TMCC1: variants seen among roughly 807,000 people sequenced by gnomAD.
TMCC1 encodes the protein transmembrane and coiled-coil domains protein 1.
TMCC1 carries 15 observed loss-of-function variants against 52.4 expected under a neutral mutation model. That is an observed-to-expected ratio of 0.29 (90% confidence interval 0.19 to 0.44). TMCC1 has a LOEUF of 0.44. TMCC1 is among the 20% of genes least tolerant of loss of function. The pLI is 1.00. For missense variants in TMCC1, 503 were observed against 806.0 expected, an observed-to-expected ratio of 0.62 and a Z score of 4.55; for synonymous variants, 279 against 301.9, an observed-to-expected ratio of 0.92 and a Z score of 0.79.
At chr3:129,825,757 G>A (rs992036124) in intron 4 of TMCC1, among the ~76,000 whole-genome samples, 4 of 152,110 alleles carry the variant, frequency 2.6e-5, no homozygotes, top group South Asian at 2.1e-4. Flanking sequence ...GCAGATCAGC[G>A]GCTACCAGAG....
intron 4 of TMCC1, among the ~76,000 whole-genome samples, chr3:129,747,308 A>C (rs937427747): frequency 6.6e-6 from 1 of 152,314 alleles, no homozygotes; most frequent in South Asian, 2.1e-4. Flanking sequence ...AAATTTACAT[A>C]TAATCCGAGG....
At chr3:129,782,094 A>T (rs933603744) in intron 4 of TMCC1, among the ~76,000 whole-genome samples, 4 of 152,136 alleles carry the variant, frequency 2.6e-5, no homozygotes, top group African/African-American at 9.7e-5. Context: ...TTGAGTTTGA[A>T]ATGTCTGTCA....
At chr3:129,681,106 T>C (rs1379408227) in intron 4 of TMCC1, among the ~76,000 whole-genome samples, 1 of 152,168 alleles carries the variant, frequency 6.6e-6, no homozygotes, top group African/African-American at 2.4e-5. Flanking sequence ...ATAATTTGTT[T>C]TAATATGTAA....
At chr3:129,872,177 CATT>C (rs1290218988) in intron 2 of TMCC1, among the ~76,000 whole-genome samples, 3 of 152,228 alleles carry the variant, frequency 2.0e-5, no homozygotes, top group Non-Finnish European at 4.4e-5. Flanking sequence ...CCTTCTTCCT[CATT>C]AACCAGAATT....
In TMCC1 at chr3:129,651,460, A is replaced by G; in HGVS notation, c.*21T>C. On this transcript the variant is annotated 3_prime_UTR_variant, in exon 7 of 7. Transcript: ENST00000393238. The surrounding 1 kb of genome is among the most constrained non-coding windows in gnomAD (Gnocchi z 5.1). ...GCATGCACTCGCCAGAGGGTAGGGA[A>G]CAATGCCTTCTGTGCCAGCATCATC... The G allele has an allele frequency of 6.2e-7, 1 of 1,606,698 alleles. No individual in the cohort carries two copies. Among genetic ancestry groups the G allele is most frequent in the Non-Finnish European group, 8.5e-7 (1 of 1,175,306 alleles).
At chr3:129,823,651 A>C (rs146509818) in intron 4 of TMCC1, among the ~76,000 whole-genome samples, 259 of 151,882 alleles carry the variant, frequency 1.7e-3, no homozygotes, top group African/African-American at 5.7e-3. Context: ...AACAAACAAA[A>C]AAACAGTCTG....
chr3:129,828,260 T>C lies in TMCC1; in HGVS notation c.119A>G (p.Asn40Ser), dbSNP rs116291111. 1.2e-5 allele frequency: 20 copies of C among 1,614,136 alleles called. No homozygotes were observed. Among genetic ancestry groups the C allele is most frequent in the Admixed American group, 1.7e-5 (1 of 60,016 alleles). The change falls in exon 4 of 7, where the codon AAT becomes AGT. Residue 40 changes from asparagine (N) to serine (S), a missense_variant. Asn to Ser is a conservative substitution (Grantham distance 46, BLOSUM62 1). Around this residue, in one of 7 missense-constraint regions of TMCC1, gnomAD observed 217 missense variants for 297.9 expected, o/e 0.73. Coordinates refer to ENST00000393238, the MANE Select transcript of TMCC1 (RefSeq NM_001017395.5). The surrounding 1 kb of genome is among the most constrained non-coding windows in gnomAD (Gnocchi z 4.1). ...AATCACGTTAATGTTCTCCAAAGCA[T>C]TGTGGGTCATTTTAGACAATTTTTG... is the stretch of plus-strand genomic sequence containing the variant. ...SEQKLSKMTH[N>S]ALENINVIGQ...
chr3:129,793,810 GC>G (rs1300140621), intron 4 of TMCC1, among the ~76,000 whole-genome samples: 1 of 152,188 alleles, frequency 6.6e-6, no homozygotes, highest in Non-Finnish European at 1.5e-5. Flanking sequence ...CTCTGTAACT[GC>G]TTTTCATATA....
intron 4 of TMCC1, among the ~76,000 whole-genome samples, chr3:129,690,155 A>G (rs570770181): frequency 1.3e-5 from 2 of 152,310 alleles, no homozygotes; most frequent in South Asian, 4.1e-4. Flanking sequence ...AAATATATGT[A>G]CAAGTATTTT....
In TMCC1 at chr3:129,862,580, G is replaced by A. The variant is rs965044147; in HGVS notation, c.-184+17729C>T. On this transcript the variant is annotated intron_variant, in intron 2 of 6. Transcript: ENST00000393238. ...ACCACAGAACTTTGAAAAGATTCAC[G>A]CACAGTGTTTCAGATTTTAAAATAA... 5.3e-5 allele frequency among the ~76,000 whole-genome samples: 8 copies of A among 152,090 alleles called. No homozygotes were observed. The South Asian group carries it at 6.2e-4, about 12-fold the overall frequency.
chr3:129,800,567 T>C (rs1420164134), intron 4 of TMCC1, among the ~76,000 whole-genome samples: 1 of 152,120 alleles, frequency 6.6e-6, no homozygotes, highest in Non-Finnish European at 1.5e-5. Context: ...TCCTAGGAAG[T>C]TACTTAGAAC....
chr3:129,878,463 G>C (rs548935928), intron 2 of TMCC1, among the ~76,000 whole-genome samples: 1 of 152,054 alleles, frequency 6.6e-6, no homozygotes, highest in African/African-American at 2.4e-5. Flanking sequence ...AGCAAAACCT[G>C]CTGACTCTAC....
intron 5 of TMCC1, among the ~76,000 whole-genome samples, chr3:129,661,269 TA>T (rs2087006488): frequency 6.6e-6 from 1 of 151,978 alleles, no homozygotes. Flanking sequence ...TTACAAAAAA[TA>T]CAAAAATTAG....
chr3:129,846,959 C>T (rs1462607357), intron 2 of TMCC1: 1 of 151,078 alleles, frequency 6.6e-6, no homozygotes, highest in Non-Finnish European at 1.5e-5. Flanking sequence ...CACCACTGTA[C>T]CTCATCCTGG....
At chr3:129,663,299 A>C (rs763132532) in intron 5 of TMCC1, among the ~76,000 whole-genome samples, 6 of 152,196 alleles carry the variant, frequency 3.9e-5, no homozygotes, top group Non-Finnish European at 8.8e-5. Flanking sequence ...ATAGCTGAAG[A>C]AACTTGTGGA....
chr3:129,720,622 A>G (rs1334477478), intron 4 of TMCC1, among the ~76,000 whole-genome samples: 2 of 152,332 alleles, frequency 1.3e-5, no homozygotes, highest in Non-Finnish European at 2.9e-5. Context: ...GACCAGCCTA[A>G]GAACCACCTA....
chr3:129,675,086 C>T (rs1304425173), intron 4 of TMCC1, among the ~76,000 whole-genome samples: 1 of 152,130 alleles, frequency 6.6e-6, no homozygotes, highest in Non-Finnish European at 1.5e-5. Flanking sequence ...GTGATCTGCC[C>T]GCCTCCCAAA....
At position 129,671,241 on chromosome 3, in the gene TMCC1, G is replaced by C. The variant is rs775589984; in HGVS notation, c.600C>G (p.Ser200Arg). 1.2e-6 allele frequency: 2 copies of C among 1,612,596 alleles called. No homozygotes were observed. Among genetic ancestry groups the C allele is most frequent in the Admixed American group, 1.7e-5 (1 of 59,922 alleles). The change falls in exon 5 of 7, where the codon AGC becomes AGG. Residue 200 changes from serine (S) to arginine (R), a missense_variant. Around this residue, in one of 7 missense-constraint regions of TMCC1, gnomAD observed 217 missense variants for 297.9 expected, o/e 0.73. Coordinates refer to ENST00000393238, the MANE Select transcript of TMCC1 (RefSeq NM_001017395.5). ...CCACTGCACTGGATGTTTGGGCAAG[G>C]CTGCTTACTTCCAACCGTTCGATCT... ...AERIERLEVS[S>R]LAQTSSAVAS...
In TMCC1 at chr3:129,746,948, T is replaced by A. The variant is rs115315060; in HGVS notation, c.577-75684A>T. On this transcript the variant is annotated intron_variant, in intron 4 of 6. Coordinates refer to ENST00000393238, the MANE Select transcript of TMCC1 (RefSeq NM_001017395.5). ...AACCTTTTTAATCCCAATCTCAGTTTCCTCATCAGCACAACAGGATAATAA... is the reference window on the plus strand; with the variant it reads ...AACCTTTTTAATCCCAATCTCAGTTACCTCATCAGCACAACAGGATAATAA... Among the ~76,000 whole-genome samples, 978 of 152,334 alleles carry A rather than the reference T, an allele frequency of 6.4e-3. 4 individuals are homozygous for A. The highest frequency in any genetic ancestry group is 0.011 in the Non-Finnish European group (765 of 68,026).
Sources: allele counts gnomAD v4.1 joint callset (sites outside exome capture counted in the v4.1 genomes callset), GRCh38; gene constraint gnomAD v4.1.1; regional missense constraint gnomAD v4.1.1; non-coding constraint Gnocchi (gnomAD v3.1); transcripts MANE v1.5; gene names NCBI Gene and HGNC (gene_info 2026-07-23, HGNC 2026-07-21).